The following NAALADL2 variants were observed in gnomAD, a reference collection of about 807,000 sequenced individuals.
NAALADL2 encodes the protein N-acetylated alpha-linked acidic dipeptidase like 2.
A neutral mutation model predicts 87.2 loss-of-function variants in NAALADL2; 76 were observed. The observed-to-expected ratio is 0.87, with a 90% CI of 0.72 to 1.05. The LOEUF is 1.05. NAALADL2 is among the 50% of genes least tolerant of loss of function. NAALADL2 has a pLI of 0.00. For synonymous variants in NAALADL2, 354 were observed against 331.0 expected, an observed-to-expected ratio of 1.07 and a Z score of -0.75; for missense variants, 1,089 against 945.8, an observed-to-expected ratio of 1.15 and a Z score of -1.99.
At chr3:174,790,176 G>C (rs1438667719) in intron 3 of NAALADL2, among the ~76,000 whole-genome samples, 1 of 152,188 alleles carries the variant, frequency 6.6e-6, no homozygotes, top group African/African-American at 2.4e-5. Flanking sequence ...TCCTGGTGGA[G>C]GGTGTAGCCT....
In NAALADL2 at chr3:175,471,748, T is replaced by C; in HGVS notation, c.1643T>C (p.Leu548Pro). 1 of 1,606,838 alleles carries C rather than the reference T, an allele frequency of 6.2e-7. No individual in the cohort carries two copies. Among genetic ancestry groups the C allele is most frequent in the Non-Finnish European group, 8.5e-7 (1 of 1,177,044 alleles). The change falls in exon 9 of 14, where the codon CTG becomes CCG. Residue 548 changes from leucine to proline, a missense_variant. Physicochemically the swap from Leu to Pro is moderately conservative, Grantham distance 98 (BLOSUM62 -3). Coordinates refer to ENST00000454872, the MANE Select transcript of NAALADL2 (RefSeq NM_207015.3). Reference sequence around the variant, plus strand: ...GTAGCATCACCATCTCTTCAGCAACTGGTAGTAGAGGTAAGACAAACCACT... The same window carrying C: ...GTAGCATCACCATCTCTTCAGCAACCGGTAGTAGAGGTAAGACAAACCACT... The part of the protein sequence containing the change: ...YPVASPSLQQ[L>P]VVEKNNFNCT...
intron 2 of NAALADL2, among the ~76,000 whole-genome samples, chr3:175,142,295 C>G (rs575559339): frequency 1.3e-5 from 2 of 151,918 alleles, no homozygotes; most frequent in Admixed American, 1.3e-4. Context: ...AGATTAATTT[C>G]GTTTATAATT....
chr3:174,667,395 G>T (rs73882486), intron 2 of NAALADL2, among the ~76,000 whole-genome samples: 6,065 of 152,138 alleles, frequency 0.04, 449 homozygotes, highest in African/African-American at 0.14. Flanking sequence ...ACTTTTAAAG[G>T]GGTCTTATCA....
At chr3:175,430,270 GTTC>G (rs1312414770) in intron 5 of NAALADL2, among the ~76,000 whole-genome samples, 4 of 151,678 alleles carry the variant, frequency 2.6e-5, no homozygotes, top group Admixed American at 1.3e-4. Flanking sequence ...AAATTATAAA[GTTC>G]TTCTTTAAGT....
chr3:175,698,655 TAATA>T, intron 11 of NAALADL2, among the ~76,000 whole-genome samples: 1 of 151,412 alleles, frequency 6.6e-6, no homozygotes, highest in African/African-American at 2.4e-5. Context: ...TAGACAAATT[TAATA>T]AATAAGTAGA....
At chr3:175,011,254 GAGAGAGAGGGAGAGAGACAGAGAGAC>G (rs1357468854) in intron 1 of NAALADL2, among the ~76,000 whole-genome samples, 5 of 130,610 alleles carry the variant, frequency 3.8e-5, no homozygotes, top group African/African-American at 1.7e-4. Context: ...GAGAGAGACA[GAGAGAGAGGGAGAGAGACAGAGAGAC>G]AGAGAGAGAG....
intron 1 of NAALADL2, among the ~76,000 whole-genome samples, chr3:174,471,579 T>TA (rs397696351): frequency 6.6e-6 from 1 of 151,856 alleles, no homozygotes; most frequent in Non-Finnish European, 1.5e-5. Flanking sequence ...CAATTTTTTT[T>TA]AAGAGATTTT....
rs1417739085 is a variant in NAALADL2, at chr3:175,099,053, AC to A, written c.545+1763del. On this transcript the variant is annotated intron_variant, in intron 2 of 13. Transcript: ENST00000454872. ...GAACTTCATAACATGCATTTTATTT[AC>A]AAACTAAGCTACATATTTATTTTCC... Among the ~76,000 whole-genome samples, 261 of 152,224 alleles carry A rather than the reference AC, an allele frequency of 1.7e-3. 1 individual carries two copies. The highest frequency in any genetic ancestry group is 6.0e-3 in the African/African-American group (248 of 41,538).
intron 1 of NAALADL2, among the ~76,000 whole-genome samples, chr3:175,058,735 C>G (rs963890303): frequency 1.3e-5 from 2 of 152,144 alleles, no homozygotes; most frequent in East Asian, 3.9e-4. Flanking sequence ...TAAGTGAGGT[C>G]TAAGGAAAGG....
intron 4 of NAALADL2, among the ~76,000 whole-genome samples, chr3:175,298,845 A>T (rs986164155): frequency 2.0e-5 from 3 of 152,164 alleles, no homozygotes; most frequent in Admixed American, 1.3e-4. Flanking sequence ...TTATACCTTC[A>T]TGAGGTGCAA....
At chr3:175,066,381 T>C (rs563559928) in intron 1 of NAALADL2, among the ~76,000 whole-genome samples, 19 of 152,074 alleles carry the variant, frequency 1.2e-4, no homozygotes, top group Non-Finnish European at 2.4e-4. Flanking sequence ...CTGTGTGTAG[T>C]TGCTTATCTA....
intron 4 of NAALADL2, among the ~76,000 whole-genome samples, chr3:175,311,964 T>G (rs188043566): frequency 1.1e-4 from 16 of 152,310 alleles, no homozygotes; most frequent in Non-Finnish European, 1.8e-4. Flanking sequence ...AGAAGAATGA[T>G]GTGATTATGC....
Position 174,886,172 on chromosome 3 carries a change from C to T in NAALADL2, c.43+26722C>T, listed in dbSNP as rs369850645. On this transcript the variant is annotated intron_variant, in intron 1 of 13. Coordinates refer to ENST00000454872, the MANE Select transcript of NAALADL2 (RefSeq NM_207015.3). ...TCATGATCCACCCACCTTGGCCTCC[C>T]AAAGTCCTGGGATTACAGGCATGAG... 6.6e-4 allele frequency among the ~76,000 whole-genome samples: 100 copies of T among 152,088 alleles called. 1 individual carries two copies. The highest frequency in any genetic ancestry group is 2.3e-3 in the African/African-American group (95 of 41,498).
intron 1 of NAALADL2, among the ~76,000 whole-genome samples, chr3:174,863,490 G>A (rs1726759526): frequency 6.7e-6 from 1 of 150,298 alleles, no homozygotes; most frequent in Non-Finnish European, 1.5e-5. Flanking sequence ...AAGTTGGCTT[G>A]TAAGTTCATA....
chr3:175,435,935 G>A (rs1718574220), intron 5 of NAALADL2, among the ~76,000 whole-genome samples: 1 of 147,692 alleles, frequency 6.8e-6, no homozygotes, highest in Non-Finnish European at 1.5e-5. Flanking sequence ...GTGCCATGCT[G>A]GTGCCCTGCA....
At chr3:174,769,797 T>A (rs1389262833) in intron 3 of NAALADL2, among the ~76,000 whole-genome samples, 1 of 151,632 alleles carries the variant, frequency 6.6e-6, no homozygotes, top group Non-Finnish European at 1.5e-5. Flanking sequence ...TTTTATTTAT[T>A]TCTTTAAAAA....
intron 10 of NAALADL2, among the ~76,000 whole-genome samples, chr3:175,601,352 T>C (rs1231285585): frequency 6.6e-6 from 1 of 152,234 alleles, no homozygotes; most frequent in African/African-American, 2.4e-5. Flanking sequence ...AGTGAATGCA[T>C]TTCACTAATG....
At chr3:174,769,997 C>T (rs1411594793) in intron 3 of NAALADL2, among the ~76,000 whole-genome samples, 1 of 151,756 alleles carries the variant, frequency 6.6e-6, no homozygotes, top group African/African-American at 2.4e-5. Flanking sequence ...TATTAGATGC[C>T]CATCTTTAGA....
chr3:175,156,703 C>G (rs1424417709), intron 2 of NAALADL2, among the ~76,000 whole-genome samples: 3 of 152,040 alleles, frequency 2.0e-5, no homozygotes, highest in African/African-American at 4.8e-5. Flanking sequence ...CAGAGGACTT[C>G]TGGAACTAGC....
Sources: allele counts gnomAD v4.1 joint callset (sites outside exome capture counted in the v4.1 genomes callset), GRCh38; gene constraint gnomAD v4.1.1; transcripts MANE v1.5; gene names NCBI Gene and HGNC (gene_info 2026-07-23, HGNC 2026-07-21).